RAPH1: variants seen among roughly 807,000 people sequenced by gnomAD.
RAPH1 encodes Ras association (RalGDS/AF-6) and pleckstrin homology domains 1.
In RAPH1, 18 loss-of-function variants were observed where a neutral mutation model predicts 88.1. That is an observed-to-expected ratio of 0.20 (90% CI 0.14 to 0.30). RAPH1 has a LOEUF of 0.30. Among genes scored for constraint, RAPH1 ranks in the 10% least tolerant of loss-of-function variants. The probability of loss-of-function intolerance (pLI) is 1.00; values close to 1 mark genes in which losing one functional copy is unlikely to be tolerated. For synonymous variants in RAPH1, 587 were observed against 559.0 expected, an observed-to-expected ratio of 1.05 and a Z score of -0.71; for missense variants, 1,448 against 1,543.2, an observed-to-expected ratio of 0.94 and a Z score of 1.03.
intron 4 of RAPH1, among the ~76,000 whole-genome samples, chr2:203,468,456 T>C (rs1310352987): frequency 6.6e-6 from 1 of 152,178 alleles, no homozygotes; most frequent in Non-Finnish European, 1.5e-5. Flanking sequence ...CTTCAGGCTT[T>C]AGCTTAAATA....
intron 1 of RAPH1, among the ~76,000 whole-genome samples, chr2:203,496,905 T>C (rs1398595966): frequency 2.0e-5 from 3 of 152,222 alleles, no homozygotes; most frequent in Non-Finnish European, 4.4e-5. Flanking sequence ...GCCTGTCAGC[T>C]GGTTTAAGCA....
chr2:203,442,314 C>T (rs1048785444), intron 13 of RAPH1: 1 of 377,332 alleles, frequency 2.7e-6, no homozygotes, highest in Non-Finnish European at 4.8e-6. Flanking sequence ...GGTTCAGGTA[C>T]TTTGAAAAGA....
chr2:203,457,949 A>G (rs539365775), intron 7 of RAPH1, among the ~76,000 whole-genome samples: 30 of 152,364 alleles, frequency 2.0e-4, no homozygotes, highest in African/African-American at 7.2e-4. Context: ...TAAGTACAAC[A>G]AGTAAGGCAA....
At chr2:203,470,231 A>C in intron 4 of RAPH1, 1 of 1,597,022 alleles carries the variant, frequency 6.3e-7, no homozygotes, top group Non-Finnish European at 8.6e-7. Flanking sequence ...ATGTGGAAGA[A>C]GTATCACCTT....
chr2:203,516,396 T>A (rs998795172), intron 1 of RAPH1, among the ~76,000 whole-genome samples: 4 of 152,212 alleles, frequency 2.6e-5, no homozygotes, highest in African/African-American at 9.6e-5. Flanking sequence ...ATGGCAGATA[T>A]TAATCCAATT....
intron 1 of RAPH1, among the ~76,000 whole-genome samples, chr2:203,501,680 G>T (rs1437522564): frequency 6.6e-6 from 1 of 151,928 alleles, no homozygotes; most frequent in Non-Finnish European, 1.5e-5. Flanking sequence ...GTTAAAAGTT[G>T]CTTTTTATAT....
At chr2:203,507,457 C>A (rs1167860723) in intron 1 of RAPH1, among the ~76,000 whole-genome samples, 1 of 152,098 alleles carries the variant, frequency 6.6e-6, no homozygotes, top group African/African-American at 2.4e-5. Context: ...CAAAATATCT[C>A]CCCACAAATT....
chr2:203,462,251 TG>T (rs1431790446), intron 4 of RAPH1, among the ~76,000 whole-genome samples: 2 of 152,128 alleles, frequency 1.3e-5, no homozygotes, highest in African/African-American at 2.4e-5. Context: ...AGGAGAAAAA[TG>T]AATGTATAGT....
rs771831978 is a variant in RAPH1, at chr2:203,440,207, G to T, written c.2983C>A (p.Pro995Thr). The change falls in exon 14 of 14, where the codon CCC becomes ACC. Residue 995 changes from proline to threonine, a missense_variant. Pro to Thr is a conservative substitution (Grantham distance 38, BLOSUM62 -1). Coordinates refer to ENST00000319170, the MANE Select transcript of RAPH1 (RefSeq NM_213589.3). Reference protein sequence around the residue: ...SGAEHPEPKRPSVDSLVSKFT... With the variant: ...SGAEHPEPKRTSVDSLVSKFT... ...TTGCTGACTAGACTGTCCACCGAGGGTCTCTTGGGCTCGGGGTGCTCTGCA... is the reference window on the plus strand; with the variant it reads ...TTGCTGACTAGACTGTCCACCGAGGTTCTCTTGGGCTCGGGGTGCTCTGCA... The T allele has an allele frequency of 8.1e-6, 13 of 1,613,866 alleles. No homozygotes were observed. The East Asian group carries it at 2.9e-4, about 36-fold the overall frequency.
At chr2:203,512,331 G>A (rs1318333789) in intron 1 of RAPH1, among the ~76,000 whole-genome samples, 2 of 149,920 alleles carry the variant, frequency 1.3e-5, no homozygotes, top group Non-Finnish European at 3.0e-5. Context: ...ACTCCAGCCT[G>A]GGTGACAGAG....
intron 12 of RAPH1, chr2:203,446,081 T>A (rs2098509316): frequency 6.6e-6 from 1 of 152,174 alleles, no homozygotes; most frequent in African/African-American, 2.4e-5. Flanking sequence ...GCTCCACACT[T>A]TATTTGGATT....
At chr2:203,451,131 CT>C (rs2098514531) in intron 10 of RAPH1, among the ~76,000 whole-genome samples, 1 of 152,082 alleles carries the variant, frequency 6.6e-6, no homozygotes, top group South Asian at 2.1e-4. Context: ...CATTACTTTC[CT>C]TATGGTCATC....
At chr2:203,493,995 A>G (rs983432640) in intron 2 of RAPH1, among the ~76,000 whole-genome samples, 20 of 150,204 alleles carry the variant, frequency 1.3e-4, no homozygotes, top group African/African-American at 4.1e-4. Flanking sequence ...AAAAAAAAAA[A>G]AAAGAAAAAA....
intron 4 of RAPH1, among the ~76,000 whole-genome samples, chr2:203,486,645 A>G (rs1430934127): frequency 6.6e-6 from 1 of 152,234 alleles, no homozygotes; most frequent in Admixed American, 6.5e-5. Context: ...TTTCCGTAAC[A>G]TATCTCATAG....
In RAPH1 at chr2:203,455,785, A is replaced by C. The variant is rs534956882; in HGVS notation, c.1159-205T>G. Among the ~76,000 whole-genome samples, 3 of 151,760 alleles carry C rather than the reference A, an allele frequency of 2.0e-5. No individual in the cohort carries two copies. The South Asian group carries it at 6.3e-4, about 32-fold the overall frequency. On this transcript the variant is annotated intron_variant, in intron 8 of 13. Transcript: ENST00000319170. ...TCCCAGCACTTTGGGAAGCGGGTGG[A>C]TCACTTGAGGTCAGGAGTTCAAGAC...
chr2:203,472,482 C>A (rs1184198374), intron 4 of RAPH1, among the ~76,000 whole-genome samples: 1 of 152,148 alleles, frequency 6.6e-6, no homozygotes, highest in African/African-American at 2.4e-5. Context: ...AATAAAAGAG[C>A]AACTATAACT....
intron 4 of RAPH1, among the ~76,000 whole-genome samples, chr2:203,474,824 C>T (rs754959034): frequency 3.3e-5 from 5 of 152,212 alleles, no homozygotes; most frequent in Non-Finnish European, 7.3e-5. Context: ...ATACATAGCA[C>T]AGAAGGCCGG....
At chr2:203,447,799 C>A in intron 12 of RAPH1, 160 bp downstream of exon 12, 1 of 622,382 alleles carries the variant, frequency 1.6e-6, no homozygotes, top group Non-Finnish European at 2.7e-6. Flanking sequence ...GATACTGTAC[C>A]CTCTAGCAAT....
At chr2:203,489,287 CATTTTA>C (rs1688134752) in intron 4 of RAPH1, among the ~76,000 whole-genome samples, 1 of 152,026 alleles carries the variant, frequency 6.6e-6, no homozygotes, top group African/African-American at 2.4e-5. Flanking sequence ...TTTTGTGAAT[CATTTTA>C]ATTTTTCAAA....
Sources: allele counts gnomAD v4.1 joint callset (sites outside exome capture counted in the v4.1 genomes callset), GRCh38; gene constraint gnomAD v4.1.1; transcripts MANE v1.5; gene names NCBI Gene and HGNC (gene_info 2026-07-23, HGNC 2026-07-21).